SERPINE3: variants seen among roughly 807,000 people sequenced by gnomAD.
SERPINE3 encodes serpin E3.
A neutral mutation model predicts 41.7 loss-of-function variants in SERPINE3; 43 were observed. The ratio of observed to expected loss-of-function variants is 1.03; its 90% CI spans 0.81 to 1.33. The LOEUF is 1.33. Among genes scored for constraint, SERPINE3 ranks in the 40% most tolerant of loss-of-function variants. The pLI, the probability that SERPINE3 is intolerant of heterozygous loss-of-function variation, is 0.00. For missense variants in SERPINE3, 440 were observed against 491.7 expected, an observed-to-expected ratio of 0.89 and a Z score of 0.99; for synonymous variants, 200 against 192.2, an observed-to-expected ratio of 1.04 and a Z score of -0.34.
At chr13:51,345,592 C>CAAAAAAAA (rs753888958) in intron 4 of SERPINE3, among the ~76,000 whole-genome samples, 7 of 37,016 alleles carry the variant, frequency 1.9e-4, no homozygotes, top group East Asian at 8.4e-4. Context: ...GATTTCATCT[C>CAAAAAAAA]AAAAAAAAAA....
chr13:51,344,213 ACT>A, intron 3 of SERPINE3, 37 bp from the exon 4 acceptor site: 4 of 1,496,336 alleles, frequency 2.7e-6, no homozygotes, highest in Non-Finnish European at 3.7e-6. Flanking sequence ...CCTTACTCAC[ACT>A]CACCATTGTC....
chr13:51,358,372 T>C (rs1955513369), intron 7 of SERPINE3, among the ~76,000 whole-genome samples: 1 of 152,178 alleles, frequency 6.6e-6, no homozygotes, highest in African/African-American at 2.4e-5. Flanking sequence ...ACAATGTTTA[T>C]ACAACGTCAT....
At position 51,341,176 on chromosome 13, in the gene SERPINE3, C is replaced by A; in HGVS notation, c.85C>A (p.Leu29Met). ...CCACCTCCGTGAAGGAATGACATTGCTGAAGACTGAGTTTGCACTTCACCT... is the reference window on the plus strand; with the variant it reads ...CCACCTCCGTGAAGGAATGACATTGATGAAGACTGAGTTTGCACTTCACCT... ...NGHLREGMTLLKTEFALHLYQ... is the reference protein window; with the variant it reads ...NGHLREGMTLMKTEFALHLYQ... Residue 29 changes from leucine (L) to methionine (M), a missense_variant, in exon 3 of 10, where the codon CTG becomes ATG. Coordinates refer to ENST00000681248, the MANE Select transcript of SERPINE3 (RefSeq NM_001386375.1). The A allele has an allele frequency of 6.2e-7, 1 of 1,614,022 alleles. No homozygotes were observed.
Position 51,364,296 on chromosome 13 carries a change from A to T in SERPINE3, c.*14A>T. The T allele has an allele frequency of 1.4e-6, 2 of 1,407,398 alleles. No individual in the cohort carries two copies. Among genetic ancestry groups the T allele is most frequent in the Non-Finnish European group, 1.9e-6 (2 of 1,040,416 alleles). The allele number at this position is 1,407,398 out of a possible 1,614,324, so 87.2% of individuals were successfully genotyped here. On this transcript the variant is annotated 3_prime_UTR_variant, in exon 10 of 10. Transcript: ENST00000681248. ...CCCCTAGACTAAATGCATGTTCTCC[A>T]CTTTCATCAATGCTTTTCTTCATAA...
intron 3 of SERPINE3, among the ~76,000 whole-genome samples, chr13:51,342,325 T>C (rs745987569): frequency 6.6e-6 from 1 of 152,034 alleles, no homozygotes; most frequent in Admixed American, 6.5e-5. Flanking sequence ...CCACCACCTA[T>C]ACCTGGGTGA....
intron 1 of SERPINE3, among the ~76,000 whole-genome samples, chr13:51,340,273 T>A (rs1955276634): frequency 1.3e-5 from 2 of 152,182 alleles, no homozygotes; most frequent in African/African-American, 2.4e-5. Flanking sequence ...TTGAAAACAT[T>A]TTTTTACTTT....
chr13:51,364,381 AAAGCT>A lies in SERPINE3; in HGVS notation c.*103_*107del, dbSNP rs1415479670. On this transcript the variant is annotated 3_prime_UTR_variant, in exon 10 of 10. Coordinates refer to ENST00000681248, the MANE Select transcript of SERPINE3 (RefSeq NM_001386375.1). ...TAAAAAAATGTCTGATAAAGTGTAA[AAAGCT>A]AAGGGTATGTGATTTTCAATATTAT... is the stretch of plus-strand genomic sequence containing the variant. The A allele has an allele frequency of 1.5e-6, 1 of 650,766 alleles. No individual in the cohort carries two copies. The highest frequency in any genetic ancestry group is 2.5e-6 in the Non-Finnish European group (1 of 394,622). The allele number at this position is 650,766 out of a possible 1,614,324, so 40.3% of individuals were successfully genotyped here.
rs1318481137 is a variant in SERPINE3 at position 51,344,299 on chromosome 13, A to T, written c.304A>T (p.Thr102Ser). The change falls in exon 4 of 10, where the codon ACC (threonine) becomes TCC (serine). Residue 102 changes from threonine (T) to serine (S), a missense_variant. Physicochemically the swap from Thr to Ser is moderately conservative, Grantham distance 58. Transcript: ENST00000681248. ...GCATGCTGTTTATGCCACACTACCCACCTCCAGCCAAGGCACCGAGATGGA... is the reference window on the plus strand; with the variant it reads ...GCATGCTGTTTATGCCACACTACCCTCCTCCAGCCAAGGCACCGAGATGGA... ...FLHAVYATLPTSSQGTEMELA... is the reference protein window; with the variant it reads ...FLHAVYATLPSSSQGTEMELA... The T allele has an allele frequency of 6.2e-7, 1 of 1,613,656 alleles. No individual in the cohort carries two copies. Among genetic ancestry groups the T allele is most frequent in the East Asian group, 2.2e-5 (1 of 44,882 alleles).
chr13:51,344,424 C>T lies in SERPINE3; in HGVS notation c.429C>T (p.Asp143=). ...WWANSSLEPA[D]LSEPNSTAIQ... is the part of the protein sequence containing the mutation. ...CTAACAGCAGCCTGGAACCAGCCGA[C>T]CTCAGTGAGCCCAATAGCACCGCCA... is the stretch of plus-strand genomic sequence containing the variant. The change falls in exon 4 of 10, where the codon GAC becomes GAT. Residue 143 remains aspartate, a synonymous_variant. Coordinates refer to ENST00000681248, the MANE Select transcript of SERPINE3 (RefSeq NM_001386375.1). 6.2e-7 allele frequency: 1 copy of T among 1,608,864 alleles called. No homozygotes were observed. Among genetic ancestry groups the T allele is most frequent in the Non-Finnish European group, 8.5e-7 (1 of 1,177,458 alleles).
At chr13:51,347,463 A>T (rs1165026639) in intron 5 of SERPINE3, among the ~76,000 whole-genome samples, 1 of 152,198 alleles carries the variant, frequency 6.6e-6, no homozygotes, top group Non-Finnish European at 1.5e-5. Flanking sequence ...GATGTGGAAG[A>T]GAAACTCAGT....
intron 6 of SERPINE3, among the ~76,000 whole-genome samples, chr13:51,353,071 C>T (rs1159710488): frequency 6.6e-6 from 1 of 152,038 alleles, no homozygotes; most frequent in African/African-American, 2.4e-5. Context: ...TTGTAATATC[C>T]TTGTCTGGTA....
intron 6 of SERPINE3, among the ~76,000 whole-genome samples, chr13:51,349,528 G>A (rs1035179618): frequency 2.0e-5 from 3 of 152,188 alleles, no homozygotes; most frequent in Admixed American, 6.5e-5. Flanking sequence ...GAAGAGCAGC[G>A]TTCCGTGTCA....
intron 6 of SERPINE3, among the ~76,000 whole-genome samples, chr13:51,350,076 C>T (rs1258392458): frequency 6.6e-6 from 1 of 152,140 alleles, no homozygotes; most frequent in Non-Finnish European, 1.5e-5. Context: ...TCTCAAATCA[C>T]TCATTCTTCT....
intron 9 of SERPINE3, chr13:51,363,552 C>A (rs536974178): frequency 2.6e-5 from 4 of 151,994 alleles, no homozygotes; most frequent in African/African-American, 9.6e-5. Context: ...CCAAGAATAT[C>A]ATTTGTCGAG....
chr13:51,356,832 A>G (rs1955489040), intron 7 of SERPINE3, among the ~76,000 whole-genome samples: 1 of 151,656 alleles, frequency 6.6e-6, no homozygotes, highest in Non-Finnish European at 1.5e-5. Flanking sequence ...TGCTCAAACC[A>G]GCAGAAAGGT....
At chr13:51,348,948 T>C (rs937964289) in intron 6 of SERPINE3, among the ~76,000 whole-genome samples, 11 of 152,212 alleles carry the variant, frequency 7.2e-5, no homozygotes, top group African/African-American at 2.7e-4. Context: ...TAAATGGAGG[T>C]GAACTCTCCT....
intron 3 of SERPINE3, 50 bp from the exon 4 acceptor site, chr13:51,344,202 T>C: frequency 7.3e-7 from 1 of 1,378,538 alleles, no homozygotes; most frequent in African/African-American, 1.4e-5. Context: ...TTGTGCTAAC[T>C]CCTTACTCAC....
chr13:51,351,751 C>G (rs1321073349), intron 6 of SERPINE3, among the ~76,000 whole-genome samples: 1 of 151,830 alleles, frequency 6.6e-6, no homozygotes, highest in Non-Finnish European at 1.5e-5. Flanking sequence ...TGTTTTTTTT[C>G]CAAGAACTTT....
intron 7 of SERPINE3, among the ~76,000 whole-genome samples, chr13:51,358,173 C>T (rs1955510413): frequency 6.6e-6 from 1 of 151,976 alleles, no homozygotes; most frequent in Admixed American, 6.6e-5. Flanking sequence ...TCTCTCTAGC[C>T]CCCTCTCCCT....
Sources: allele counts gnomAD v4.1 joint callset (sites outside exome capture counted in the v4.1 genomes callset), GRCh38; gene constraint gnomAD v4.1.1; transcripts MANE v1.5; gene names NCBI Gene and HGNC (gene_info 2026-07-23, HGNC 2026-07-21).